The following RNF17 variants were observed in gnomAD, a reference collection of about 807,000 sequenced individuals.
RNF17 encodes the protein spermatogenesis associated 23.
RNF17 carries 31 observed loss-of-function variants against 200.5 expected under a neutral mutation model. The observed-to-expected ratio is 0.15, with a 90% CI of 0.12 to 0.21. The LOEUF is 0.21. Among genes scored for constraint, RNF17 ranks in the 10% least tolerant of loss-of-function variants. The pLI, the probability that RNF17 is intolerant of heterozygous loss-of-function variation, is 1.00. For synonymous variants in RNF17, 606 were observed against 637.8 expected (o/e 0.95, Z 0.75); for missense variants, 1,628 against 1,905.1 (o/e 0.85, Z 2.71).
chr13:24,863,738 G>C (rs1000913506), intron 28 of RNF17, among the ~76,000 whole-genome samples: 4 of 152,192 alleles, frequency 2.6e-5, no homozygotes, highest in Non-Finnish European at 5.9e-5. Context: ...TTTTTAGTTT[G>C]TCTAGACAGC....
chr13:24,776,728 C>T (rs1402028432), intron 3 of RNF17, among the ~76,000 whole-genome samples: 1 of 152,132 alleles, frequency 6.6e-6, no homozygotes, highest in African/African-American at 2.4e-5. Flanking sequence ...GTGAGGTTTG[C>T]GGTAGATGAC....
chr13:24,829,358 T>C (rs570720333), intron 16 of RNF17, among the ~76,000 whole-genome samples: 5 of 152,338 alleles, frequency 3.3e-5, no homozygotes, highest in South Asian at 4.1e-4. Flanking sequence ...GATAAAACAA[T>C]AACATTCTTT....
At chr13:24,771,704 C>T (rs954325221) in intron 2 of RNF17, among the ~76,000 whole-genome samples, 34 of 148,440 alleles carry the variant, frequency 2.3e-4, no homozygotes, top group African/African-American at 7.0e-4. Flanking sequence ...ATCTTCAATA[C>T]TTACGTTTTT....
intron 15 of RNF17, among the ~76,000 whole-genome samples, chr13:24,821,782 A>T (rs1888085329): frequency 6.6e-6 from 1 of 152,130 alleles, no homozygotes; most frequent in Non-Finnish European, 1.5e-5. Flanking sequence ...CCCTTTTAAC[A>T]TATTTAAGAC....
At chr13:24,838,516 T>C (rs1890255232) in intron 18 of RNF17, among the ~76,000 whole-genome samples, 1 of 152,154 alleles carries the variant, frequency 6.6e-6, no homozygotes, top group South Asian at 2.1e-4. Context: ...GATGCAGGGA[T>C]GGATGTAATA....
At position 24,842,180 on chromosome 13, in the gene RNF17, TTTCA is replaced by T. The variant is rs939337501; in HGVS notation, c.2603+22_2603+25del. Reference sequence around the variant, plus strand: ...AAATAGGGTAAGTAGATATGTAAACTTTCATTGTTAGTTCATGTTCTTATGTAAC... The same window carrying T: ...AAATAGGGTAAGTAGATATGTAAACTTTGTTAGTTCATGTTCTTATGTAAC... On this transcript the variant is annotated intron_variant, in intron 19 of 35. Transcript: ENST00000255324. 2 of 1,572,806 alleles carry T rather than the reference TTTCA, an allele frequency of 1.3e-6. No homozygotes were observed. The highest frequency in any genetic ancestry group is 2.7e-5 in the African/African-American group (2 of 72,734).
chr13:24,837,145 G>A lies in RNF17; in HGVS notation c.2483-4896G>A, dbSNP rs551661316. 3.3e-5 allele frequency among the ~76,000 whole-genome samples: 5 copies of A among 152,228 alleles called. No individual in the cohort carries two copies. In the South Asian group the frequency reaches 6.2e-4, roughly 19 times the overall value. ...GAGAGAGAGAGGAACGTTATATAAC[G>A]GTAGACGGCCTTGTCCAACAGGAAA... On this transcript the variant is annotated intron_variant, in intron 18 of 35. Transcript: ENST00000255324.
chr13:24,783,684 G>A, intron 6 of RNF17, among the ~76,000 whole-genome samples: 1 of 87,782 alleles, frequency 1.1e-5, no homozygotes, highest in Non-Finnish European at 2.3e-5. Context: ...TTACTGTGTA[G>A]AAACACACCT....
the RNF17 span, chr13:24,886,250 G>C: frequency 1.7e-6 from 2 of 1,196,994 alleles, no homozygotes; most frequent in Admixed American, 4.6e-5. Flanking sequence ...AGGGTCTCGA[G>C]CAAGTGCCAG....
chr13:24,846,695 TGAG>T (rs1891291153), intron 22 of RNF17, among the ~76,000 whole-genome samples: 1 of 152,106 alleles, frequency 6.6e-6, no homozygotes, highest in South Asian at 2.1e-4. Context: ...TAATAGCTGA[TGAG>T]CTAAAAAAAA....
intron 2 of RNF17, among the ~76,000 whole-genome samples, chr13:24,770,131 T>C (rs1014792280): frequency 9.2e-5 from 14 of 152,126 alleles, no homozygotes; most frequent in African/African-American, 3.1e-4. Flanking sequence ...ATTGGAAATA[T>C]TAATATATAA....
intron 21 of RNF17, 61 bp downstream of exon 21, chr13:24,844,863 C>T (rs1055686098): frequency 2.2e-5 from 35 of 1,569,904 alleles, no homozygotes; most frequent in Non-Finnish European, 3.0e-5. Context: ...GTATTTTTTT[C>T]CCTGGAGTTA....
rs985724124 is a variant in RNF17, at chr13:24,870,883, T to C, written c.4447+144T>C. On this transcript the variant is annotated intron_variant, in intron 32 of 35. Transcript: ENST00000255324. ...GCATGATTTCCTGTAATCCTCAAGA[T>C]ACCCAGAAGATGACTTCTTTCTCAT... 14 of 575,392 alleles carry C rather than the reference T, an allele frequency of 2.4e-5. No individual in the cohort carries two copies. The African/African-American group carries it at 2.6e-4, about 11-fold the overall frequency. The allele number at this position is 575,392 out of a possible 1,614,324, so 35.6% of individuals were successfully genotyped here.
rs1593189563 is a variant in RNF17, at chr13:24,764,260, G to A, written c.57G>A (p.Gly19=). 4 of 1,610,794 alleles carry A rather than the reference G, an allele frequency of 2.5e-6. No homozygotes were observed. In the South Asian group the frequency reaches 3.3e-5, roughly 13 times the overall value. Residue 19 remains glycine (G), a synonymous_variant, in exon 1 of 36, where the codon GGG becomes GGA. Transcript: ENST00000255324. The part of the protein sequence containing the change: ...GPSRSSYQRM[G]RKSQPWGAAE... ...CTAGGTCTTCCTACCAGCGAATGGG[G>A]AGGAAGAGTCAGCCCTGGGGTGCCG...
chr13:24,855,358 G>A (rs1192518510), intron 25 of RNF17, among the ~76,000 whole-genome samples: 2 of 151,972 alleles, frequency 1.3e-5, no homozygotes, highest in Non-Finnish European at 1.5e-5. Flanking sequence ...GGCCAGGCAC[G>A]GTGGCTCATG....
chr13:24,764,117 G>A, upstream of RNF17: 2 of 1,311,572 alleles, frequency 1.5e-6, no homozygotes, highest in Non-Finnish European at 2.1e-6. Context: ...TTGGCTATCT[G>A]CAGGGGCTGG....
chr13:24,748,972 G>C, the RNF17 span, among the ~76,000 whole-genome samples: 1 of 152,060 alleles, frequency 6.6e-6, no homozygotes, highest in African/African-American at 2.4e-5. Context: ...CAGCCTGGTG[G>C]TGAACTCCTG....
At chr13:24,875,386 C>T (rs1230537367) in intron 33 of RNF17, among the ~76,000 whole-genome samples, 2 of 152,076 alleles carry the variant, frequency 1.3e-5, no homozygotes, top group Non-Finnish European at 1.5e-5. Flanking sequence ...AGATGAAGCC[C>T]ATAGCAGTAG....
At chr13:24,877,708 A>G (rs992207006) in intron 34 of RNF17, among the ~76,000 whole-genome samples, 1 of 152,224 alleles carries the variant, frequency 6.6e-6, no homozygotes, top group Admixed American at 6.5e-5. Flanking sequence ...TGGGAAAGAA[A>G]GAATGGTAGT....
Sources: gnomAD v4.1 joint callset for allele counts (sites outside exome capture counted in the v4.1 genomes callset) on GRCh38, gnomAD v4.1.1 for gene constraint, MANE v1.5 for transcripts, NCBI Gene and HGNC (gene_info 2026-07-23, HGNC 2026-07-21) for gene names.